The following AGTPBP1 variants were observed in gnomAD, a reference collection of about 807,000 sequenced individuals.
AGTPBP1 encodes the protein ATP/GTP binding carboxypeptidase 1, also known as cytosolic carboxypeptidase 1.
In AGTPBP1, 70 loss-of-function variants were observed where a neutral mutation model predicts 143.9. The observed-to-expected ratio is 0.49, with a 90% confidence interval of 0.40 to 0.59. The LOEUF is 0.59. Ranked by LOEUF, AGTPBP1 falls within the 20% of genes least tolerant of loss-of-function variation. AGTPBP1 has a pLI of 0.00. For synonymous variants in AGTPBP1, 463 were observed against 500.2 expected (o/e 0.93, Z 0.99); for missense variants, 1,229 against 1,464.5 (o/e 0.84, Z 2.62).
the AGTPBP1 span, among the ~76,000 whole-genome samples, chr9:85,760,877 T>C: frequency 6.6e-6 from 1 of 152,206 alleles, no homozygotes; most frequent in Non-Finnish European, 1.5e-5. Flanking sequence ...CCCCATCGTC[T>C]CAGCCCAAAA....
At chr9:85,575,813 TGTTA>T (rs1827861471) in intron 24 of AGTPBP1, among the ~76,000 whole-genome samples, 1 of 152,194 alleles carries the variant, frequency 6.6e-6, no homozygotes, top group East Asian at 1.9e-4. Context: ...AACAAGAGCT[TGTTA>T]GTATTTCTTG....
intron 1 of AGTPBP1, among the ~76,000 whole-genome samples, chr9:85,738,909 G>A (rs1323028390): frequency 6.6e-6 from 1 of 151,092 alleles, no homozygotes; most frequent in Non-Finnish European, 1.5e-5. Context: ...GAAGAGCAAC[G>A]GTAATAATAG....
intron 7 of AGTPBP1, among the ~76,000 whole-genome samples, chr9:85,670,399 A>C (rs1411829718): frequency 6.6e-6 from 1 of 152,216 alleles, no homozygotes; most frequent in African/African-American, 2.4e-5. Context: ...GCTGGTTTTG[A>C]AAGACACATT....
chr9:85,637,333 A>G (rs1832134684), intron 13 of AGTPBP1, among the ~76,000 whole-genome samples: 1 of 152,104 alleles, frequency 6.6e-6, no homozygotes, highest in Admixed American at 6.5e-5. Flanking sequence ...ATGAGCCACC[A>G]TGCCTGGCCA....
chr9:85,713,384 A>G (rs1587959144), intron 1 of AGTPBP1, among the ~76,000 whole-genome samples: 1 of 152,338 alleles, frequency 6.6e-6, no homozygotes, highest in East Asian at 1.9e-4. Context: ...TACAAAAATT[A>G]GCTGGGTGTG....
intron 1 of AGTPBP1, among the ~76,000 whole-genome samples, chr9:85,738,026 A>G (rs1372109283): frequency 6.6e-6 from 1 of 152,230 alleles, no homozygotes; most frequent in African/African-American, 2.4e-5. Flanking sequence ...AAAGTAAAAC[A>G]ATGCCACTTT....
At chr9:85,727,697 C>T (rs1838595430) in intron 1 of AGTPBP1, among the ~76,000 whole-genome samples, 1 of 152,080 alleles carries the variant, frequency 6.6e-6, no homozygotes, top group African/African-American at 2.4e-5. Context: ...AGTAACTGAA[C>T]AACTCTCTGC....
intron 9 of AGTPBP1, among the ~76,000 whole-genome samples, chr9:85,658,391 T>G (rs954246735): frequency 6.6e-6 from 1 of 152,144 alleles, no homozygotes; most frequent in Non-Finnish European, 1.5e-5. Context: ...CTAATTTTAT[T>G]ATTTTTAAAA....
At chr9:85,732,671 C>A (rs1838968460) in intron 1 of AGTPBP1, among the ~76,000 whole-genome samples, 1 of 152,144 alleles carries the variant, frequency 6.6e-6, no homozygotes, top group Non-Finnish European at 1.5e-5. Flanking sequence ...ATTTGCCAAT[C>A]AAAACACAAA....
chr9:85,695,310 G>A (rs1836152233), intron 2 of AGTPBP1, among the ~76,000 whole-genome samples: 1 of 152,042 alleles, frequency 6.6e-6, no homozygotes, highest in South Asian at 2.1e-4. Flanking sequence ...GGGTGCTCAG[G>A]GGCCCCTTGT....
At chr9:85,708,898 G>C (rs991552724) in intron 2 of AGTPBP1, among the ~76,000 whole-genome samples, 3 of 152,066 alleles carry the variant, frequency 2.0e-5, no homozygotes, top group Non-Finnish European at 4.4e-5. Flanking sequence ...CTTAACTGAT[G>C]AATATTACCA....
At chr9:85,599,046 T>G (rs1829482545) in intron 17 of AGTPBP1, among the ~76,000 whole-genome samples, 2 of 151,896 alleles carry the variant, frequency 1.3e-5, no homozygotes, top group Non-Finnish European at 2.9e-5. Flanking sequence ...TTAACCACTT[T>G]TGCTTTATTT....
At chr9:85,691,619 A>G (rs1473220435) in intron 3 of AGTPBP1, among the ~76,000 whole-genome samples, 1 of 150,934 alleles carries the variant, frequency 6.6e-6, no homozygotes, top group Non-Finnish European at 1.5e-5. Flanking sequence ...ACTATCTATT[A>G]AGGTAATCAC....
chr9:85,574,563 T>C (rs1353778048), intron 25 of AGTPBP1, among the ~76,000 whole-genome samples: 1 of 152,070 alleles, frequency 6.6e-6, no homozygotes, highest in Non-Finnish European at 1.5e-5. Flanking sequence ...AGACTACCTA[T>C]TTAGAAGTAT....
At chr9:85,725,634 C>T (rs1006292753) in intron 1 of AGTPBP1, among the ~76,000 whole-genome samples, 9 of 152,136 alleles carry the variant, frequency 5.9e-5, no homozygotes, top group African/African-American at 1.9e-4. Context: ...AAAAGGCCAG[C>T]CACAGTGGCT....
intron 21 of AGTPBP1, among the ~76,000 whole-genome samples, chr9:85,587,863 T>C (rs1198076478): frequency 6.6e-6 from 1 of 152,050 alleles, no homozygotes; most frequent in Non-Finnish European, 1.5e-5. Context: ...GACCTCCTCA[T>C]ATCAAGAAGA....
chr9:85,687,127 C>G (rs1338086291), intron 3 of AGTPBP1, among the ~76,000 whole-genome samples: 1 of 152,052 alleles, frequency 6.6e-6, no homozygotes, highest in Non-Finnish European at 1.5e-5. Context: ...AAGTCTAGAA[C>G]TATTATGAGA....
intron 14 of AGTPBP1, among the ~76,000 whole-genome samples, chr9:85,627,698 CCTT>C (rs1298793534): frequency 1.3e-5 from 2 of 152,170 alleles, no homozygotes; most frequent in South Asian, 2.1e-4. Flanking sequence ...ACCAACCTAT[CCTT>C]CTTCTTCCTG....
At chr9:85,654,762 G>A (rs182059641) in intron 11 of AGTPBP1, among the ~76,000 whole-genome samples, 160 of 151,784 alleles carry the variant, frequency 1.1e-3, no homozygotes, top group Middle Eastern at 3.4e-3. Context: ...AGAATTGCTT[G>A]AACACGGGAG....
Sources: allele counts gnomAD v4.1 joint callset (sites outside exome capture counted in the v4.1 genomes callset), GRCh38; gene constraint gnomAD v4.1.1; transcripts MANE v1.5; gene names NCBI Gene and HGNC (gene_info 2026-07-23, HGNC 2026-07-21).